The following RABGAP1L variants were observed in gnomAD, a reference collection of about 807,000 sequenced individuals.
RABGAP1L encodes RAB GTPase activating protein 1 like.
Under a neutral mutation model 137.7 loss-of-function variants are expected in RABGAP1L, and 63 were observed. The ratio of observed to expected loss-of-function variants is 0.46; its 90% confidence interval spans 0.37 to 0.56. RABGAP1L has a LOEUF of 0.56. Ranked by LOEUF, RABGAP1L falls within the 20% of genes least tolerant of loss-of-function variation. The pLI, the probability that RABGAP1L is intolerant of heterozygous loss-of-function variation, is 0.00. For synonymous variants in RABGAP1L, 431 were observed against 433.7 expected (o/e 0.99, Z 0.08); for missense variants, 1,095 against 1,244.0 (o/e 0.88, Z 1.80).
rs1198974393 is a variant in RABGAP1L at position 174,877,433 on chromosome 1, C to G, written c.2340+65473C>G. 4 of 1,599,988 alleles carry G rather than the reference C, an allele frequency of 2.5e-6. No individual in the cohort carries two copies. In the African/African-American group the frequency reaches 4.0e-5, roughly 16 times the overall value. On this transcript the variant is annotated intron_variant, in intron 19 of 25. Coordinates refer to ENST00000681986, the MANE Select transcript of RABGAP1L (RefSeq NM_001366446.1). ...GCACTGAGCTGCAGTAGGATTTTTC[C>G]TTGGATAGTCTGGTCTGGAGCTGGG... is the stretch of plus-strand genomic sequence containing the variant.
At chr1:174,262,803 T>A (rs1485972538) in intron 7 of RABGAP1L, among the ~76,000 whole-genome samples, 1 of 152,254 alleles carries the variant, frequency 6.6e-6, no homozygotes, top group African/African-American at 2.4e-5. Context: ...TCTTAGCTGA[T>A]CTGCATTAAT....
At chr1:174,574,536 A>G (rs1157118307) in intron 13 of RABGAP1L, among the ~76,000 whole-genome samples, 2 of 152,054 alleles carry the variant, frequency 1.3e-5, no homozygotes, top group African/African-American at 4.8e-5. Context: ...TTTAAACAGA[A>G]GGGAGATACC....
intron 5 of RABGAP1L, among the ~76,000 whole-genome samples, chr1:174,242,758 T>G (rs1195821343): frequency 1.3e-5 from 2 of 152,198 alleles, no homozygotes; most frequent in African/African-American, 2.4e-5. Flanking sequence ...TTGTGTTTTG[T>G]TTTTTAGATA....
intron 19 of RABGAP1L, among the ~76,000 whole-genome samples, chr1:174,898,164 T>A (rs768618423): frequency 3.3e-5 from 5 of 152,130 alleles, no homozygotes; most frequent in Non-Finnish European, 5.9e-5. Flanking sequence ...TAGCCTAGGT[T>A]TCATCTTAAT....
chr1:174,856,927 CAA>C (rs35271468), intron 19 of RABGAP1L, among the ~76,000 whole-genome samples: 6 of 127,698 alleles, frequency 4.7e-5, no homozygotes, highest in Admixed American at 8.0e-5. Flanking sequence ...ACTCCGTCTC[CAA>C]AAAAAAAAAA....
At chr1:174,912,463 G>A (rs967043055) in intron 19 of RABGAP1L, among the ~76,000 whole-genome samples, 1 of 152,116 alleles carries the variant, frequency 6.6e-6, no homozygotes, top group Non-Finnish European at 1.5e-5. Context: ...CAAAGTTTCA[G>A]TATTCTCAGA....
Position 174,448,478 on chromosome 1 carries a change from G to T in RABGAP1L, c.1710+54333G>T, listed in dbSNP as rs199740203. On this transcript the variant is annotated intron_variant, in intron 13 of 25. Coordinates refer to ENST00000681986, the MANE Select transcript of RABGAP1L (RefSeq NM_001366446.1). The surrounding 1 kb of genome is among the most constrained non-coding windows in gnomAD (Gnocchi z 4.2). ...CCAGGTTTTTGGATATATCATCTCA[G>T]TTCTAAAAAGTGTTTCTATGGCATG... 15 of 1,613,786 alleles carry T rather than the reference G, an allele frequency of 9.3e-6. No individual in the cohort carries two copies. The highest frequency in any genetic ancestry group is 1.3e-5 in the Non-Finnish European group (15 of 1,179,834).
intron 13 of RABGAP1L, among the ~76,000 whole-genome samples, chr1:174,528,949 C>T (rs1664155638): frequency 7.0e-6 from 1 of 142,760 alleles, no homozygotes. Context: ...TCTGCTTGTT[C>T]TACTCTTTTG....
chr1:174,871,279 A>T (rs1381769482), intron 19 of RABGAP1L, among the ~76,000 whole-genome samples: 1 of 152,004 alleles, frequency 6.6e-6, no homozygotes, highest in Admixed American at 6.6e-5. Flanking sequence ...GATTACAGGC[A>T]TATGCCACCA....
At chr1:174,702,041 A>T in intron 16 of RABGAP1L, 72 bp from the exon 17 acceptor site, 1 of 1,394,792 alleles carries the variant, frequency 7.2e-7, no homozygotes, top group Non-Finnish European at 9.9e-7. Context: ...TGTAAGTTGC[A>T]GTTGTGGCAG....
chr1:174,548,486 A>G (rs1666199431), intron 13 of RABGAP1L: 1 of 944,452 alleles, frequency 1.1e-6, no homozygotes, highest in Non-Finnish European at 1.3e-6. Flanking sequence ...AAATTTTATA[A>G]CCTGATTTTC....
At chr1:174,948,487 G>A (rs1030520138) in intron 19 of RABGAP1L, among the ~76,000 whole-genome samples, 1 of 125,636 alleles carries the variant, frequency 8.0e-6, no homozygotes, top group Admixed American at 9.6e-5. Context: ...TTCAGCCGCA[G>A]CCACAGAGCG....
intron 12 of RABGAP1L, among the ~76,000 whole-genome samples, chr1:174,387,624 G>A (rs1409277495): frequency 1.3e-5 from 2 of 151,638 alleles, no homozygotes; most frequent in Non-Finnish European, 2.9e-5. Flanking sequence ...GTAATTGCAT[G>A]GGTTGATGAT....
At chr1:174,752,424 A>C in intron 18 of RABGAP1L, 70 bp downstream of exon 18, 1 of 1,154,210 alleles carries the variant, frequency 8.7e-7, no homozygotes, top group South Asian at 1.4e-5. Flanking sequence ...GGAATAATTC[A>C]ATTTACAGTC....
chr1:174,673,871 G>T (rs1054852369), intron 14 of RABGAP1L, among the ~76,000 whole-genome samples: 3 of 152,006 alleles, frequency 2.0e-5, no homozygotes, highest in Non-Finnish European at 4.4e-5. Flanking sequence ...GTGGAATATG[G>T]TACTTTGCTA....
intron 18 of RABGAP1L, chr1:174,800,194 C>T: frequency 7.1e-7 from 1 of 1,398,830 alleles, no homozygotes. Context: ...CTTGTGGAGA[C>T]ATTAGCTGAC....
intron 13 of RABGAP1L, among the ~76,000 whole-genome samples, chr1:174,468,391 T>A (rs1657536803): frequency 6.6e-6 from 1 of 152,176 alleles, no homozygotes; most frequent in African/African-American, 2.4e-5. Context: ...TAGGCTGATT[T>A]CATATTAAGT....
chr1:174,437,598 G>T lies in RABGAP1L; in HGVS notation c.1710+43453G>T, dbSNP rs185932743. Among the ~76,000 whole-genome samples, 7 of 152,312 alleles carry T rather than the reference G, an allele frequency of 4.6e-5. No homozygotes were observed. The East Asian group carries it at 1.2e-3, about 25-fold the overall frequency. On this transcript the variant is annotated intron_variant, in intron 13 of 25. Transcript: ENST00000681986. Reference sequence around the variant, plus strand: ...AAGACCAAACCTACGTGTAATTGGTGTACCTGAAAGTGACGGGGAGAATGG... The same window carrying T: ...AAGACCAAACCTACGTGTAATTGGTTTACCTGAAAGTGACGGGGAGAATGG...
At chr1:174,877,937 G>A (rs527978160) in intron 19 of RABGAP1L, among the ~76,000 whole-genome samples, 71 of 152,228 alleles carry the variant, frequency 4.7e-4, no homozygotes, top group African/African-American at 1.7e-3. Flanking sequence ...GAAGTGTAAC[G>A]TTTCTACCAG....
Sources: allele counts gnomAD v4.1 joint callset (sites outside exome capture counted in the v4.1 genomes callset), GRCh38; gene constraint gnomAD v4.1.1; non-coding constraint Gnocchi (gnomAD v3.1); transcripts MANE v1.5; gene names NCBI Gene and HGNC (gene_info 2026-07-23, HGNC 2026-07-21).